Variants in IL34 observed in about 807,000 individuals in gnomAD.
IL34 encodes the protein interleukin 34, also known as interleukin-34.
A neutral mutation model predicts 25.3 loss-of-function variants in IL34; 17 were observed. The ratio of observed to expected loss-of-function variants is 0.67; its 90% confidence interval spans 0.46 to 1.01. IL34 has a LOEUF of 1.01. Among genes scored for constraint, IL34 ranks in the 50% least tolerant of loss-of-function variants. The pLI is 0.00. For missense variants in IL34, 368 were observed against 312.9 expected, an observed-to-expected ratio of 1.18 and a Z score of -1.33; for synonymous variants, 174 against 140.9, an observed-to-expected ratio of 1.23 and a Z score of -1.66.
intron 1 of IL34, among the ~76,000 whole-genome samples, chr16:70,603,951 T>G (rs2050959060): frequency 6.6e-6 from 1 of 152,212 alleles, no homozygotes; most frequent in African/African-American, 2.4e-5. Context: ...TTGATACATG[T>G]TAGCAGAGAA....
upstream of IL34, among the ~76,000 whole-genome samples, chr16:70,645,141 GGAA>G (rs1343744780): frequency 4.4e-4 from 65 of 146,632 alleles, no homozygotes; most frequent in Admixed American, 3.6e-3. Context: ...AGGAAGACGA[GGAA>G]GGAGGAGGAG....
At chr16:70,609,357 G>C (rs768663764) in intron 1 of IL34, among the ~76,000 whole-genome samples, 6 of 152,304 alleles carry the variant, frequency 3.9e-5, no homozygotes, top group Non-Finnish European at 7.3e-5. Flanking sequence ...GGGATTACAG[G>C]TGTGAGCCAC....
intron 1 of IL34, among the ~76,000 whole-genome samples, chr16:70,629,614 T>C (rs1485493059): frequency 1.3e-5 from 2 of 152,206 alleles, no homozygotes; most frequent in African/African-American, 4.8e-5. Context: ...ATAGTTGTTA[T>C]ACTATATTGT....
intron 1 of IL34, among the ~76,000 whole-genome samples, chr16:70,594,827 G>A (rs1184706695): frequency 6.6e-6 from 1 of 152,128 alleles, no homozygotes; most frequent in African/African-American, 2.4e-5. Flanking sequence ...ATGAGGAGGA[G>A]GTGAGGAGGA....
intron 1 of IL34, among the ~76,000 whole-genome samples, chr16:70,637,281 A>C (rs189256096): frequency 6.6e-6 from 1 of 152,220 alleles, no homozygotes; most frequent in Non-Finnish European, 1.5e-5. Context: ...TAAGAATCAA[A>C]TCAAAGTTAC....
intron 1 of IL34, among the ~76,000 whole-genome samples, chr16:70,638,972 CA>C (rs2051719206): frequency 6.6e-6 from 1 of 152,066 alleles, no homozygotes; most frequent in Non-Finnish European, 1.5e-5. Flanking sequence ...AGATCTGGTT[CA>C]GGGGTGTTGT....
At chr16:70,582,570 A>G (rs2050647543) in intron 1 of IL34, among the ~76,000 whole-genome samples, 1 of 152,226 alleles carries the variant, frequency 6.6e-6, no homozygotes, top group Admixed American at 6.5e-5. Context: ...CCTGTGGCCT[A>G]GAATTACGTG....
At chr16:70,618,175 T>C (rs2051203864) in intron 1 of IL34, among the ~76,000 whole-genome samples, 1 of 152,104 alleles carries the variant, frequency 6.6e-6, no homozygotes, top group Non-Finnish European at 1.5e-5. Context: ...GCTTGTACTA[T>C]AGCATAGCCT....
In IL34 at chr16:70,654,525, G is replaced by A. The variant is rs375928624; in HGVS notation, c.29-13G>A. The A allele has an allele frequency of 2.5e-6, 4 of 1,601,826 alleles. No individual in the cohort carries two copies. In the South Asian group the frequency reaches 3.3e-5, roughly 13 times the overall value. ...GAGGGTGCTCATGTGCTCTTGTCGGGTGTGGTCCACAGATCTTGGGATCTT... is the reference window on the plus strand; with the variant it reads ...GAGGGTGCTCATGTGCTCTTGTCGGATGTGGTCCACAGATCTTGGGATCTT... On this transcript the variant is annotated splice_polypyrimidine_tract_variant and intron_variant, in intron 1 of 5. Transcript: ENST00000288098.
chr16:70,602,583 A>ATGTG (rs3058045), intron 1 of IL34, among the ~76,000 whole-genome samples: 9,665 of 134,868 alleles, frequency 0.072, 290 homozygotes, highest in South Asian at 0.13. Context: ...TTTGGAATTG[A>ATGTG]TGTGTGTGTG....
intron 1 of IL34, among the ~76,000 whole-genome samples, chr16:70,613,103 G>A (rs574581765): frequency 3.0e-4 from 45 of 152,298 alleles, no homozygotes; most frequent in Non-Finnish European, 1.6e-4. Context: ...AATGCATGTC[G>A]TCTTCTTCAG....
At chr16:70,582,879 A>G (rs2050650365) in intron 1 of IL34, among the ~76,000 whole-genome samples, 1 of 152,140 alleles carries the variant, frequency 6.6e-6, no homozygotes, top group Non-Finnish European at 1.5e-5. Context: ...CTCCATGCTT[A>G]AGGATGAGGA....
At chr16:70,584,764 G>A (rs2050672418) in intron 1 of IL34, among the ~76,000 whole-genome samples, 1 of 151,782 alleles carries the variant, frequency 6.6e-6, no homozygotes, top group Non-Finnish European at 1.5e-5. Flanking sequence ...CCAGTGGCAT[G>A]ATCCTGGCTC....
intron 2 of IL34, among the ~76,000 whole-genome samples, chr16:70,656,390 A>G (rs905222241): frequency 3.5e-4 from 54 of 152,158 alleles, no homozygotes; most frequent in African/African-American, 1.2e-3. Flanking sequence ...GTGGTGGCAC[A>G]CACCTGTAGT....
intron 1 of IL34, among the ~76,000 whole-genome samples, chr16:70,615,328 G>A (rs1462872026): frequency 6.6e-6 from 1 of 152,034 alleles, no homozygotes; most frequent in African/African-American, 2.4e-5. Flanking sequence ...CTAACATGGT[G>A]AAACCCCGTC....
intron 1 of IL34, among the ~76,000 whole-genome samples, chr16:70,635,076 T>A (rs1274903942): frequency 6.6e-6 from 1 of 152,206 alleles, no homozygotes; most frequent in Non-Finnish European, 1.5e-5. Context: ...ATTCGTCTTA[T>A]GGCCATAGAG....
upstream of IL34, among the ~76,000 whole-genome samples, chr16:70,642,674 C>T (rs1340923754): frequency 6.6e-6 from 1 of 152,152 alleles, no homozygotes; most frequent in Non-Finnish European, 1.5e-5. Context: ...AATTATCTCC[C>T]AAGGCCTCAT....
chr16:70,656,508 G>T, intron 2 of IL34, 94 bp from the exon 3 acceptor site: 1 of 811,546 alleles, frequency 1.2e-6, no homozygotes, highest in South Asian at 1.4e-5. Flanking sequence ...GACAGAGTGA[G>T]ACTAACTGTT....
chr16:70,590,986 G>A (rs890281483), intron 1 of IL34, among the ~76,000 whole-genome samples: 1 of 152,190 alleles, frequency 6.6e-6, no homozygotes. Context: ...GCTGCTCTGT[G>A]CAGTCAGACC....
Sources: gnomAD v4.1 joint callset for allele counts (sites outside exome capture counted in the v4.1 genomes callset) on GRCh38, gnomAD v4.1.1 for gene constraint, MANE v1.5 for transcripts, NCBI Gene and HGNC (gene_info 2026-07-23, HGNC 2026-07-21) for gene names.